Variants in CASP1 observed in about 807,000 individuals in gnomAD.
CASP1 encodes the protein caspase 1.
A neutral mutation model predicts 41.2 loss-of-function variants in CASP1; 31 were observed. That is an observed-to-expected ratio of 0.75 (90% CI 0.57 to 1.02). The LOEUF is 1.02. Among genes scored for constraint, CASP1 ranks in the 50% least tolerant of loss-of-function variants. CASP1 has a pLI of 0.00. For synonymous variants in CASP1, 163 were observed against 166.5 expected, an observed-to-expected ratio of 0.98 and a Z score of 0.16; for missense variants, 490 against 495.7, an observed-to-expected ratio of 0.99 and a Z score of 0.11.
chr11:105,034,078 CTACAGAA>C (rs1362381139), intron 2 of CASP1, 123 bp downstream of exon 2: 5 of 1,474,874 alleles, frequency 3.4e-6, no homozygotes, highest in Non-Finnish European at 4.7e-6. Context: ...AGGGACCCTG[CTACAGAA>C]ATATGGCCCT....
chr11:105,031,110 A>G (rs1045029850), intron 4 of CASP1, 55 bp downstream of exon 4: 1 of 993,720 alleles, frequency 1.0e-6, no homozygotes, highest in Admixed American at 1.7e-5. Context: ...GCATTTCAGA[A>G]CTGCCTGAAG....
At chr11:105,035,872 T>A (rs1863997635), upstream of CASP1, among the ~76,000 whole-genome samples, 1 of 152,080 alleles carries the variant, frequency 6.6e-6, no homozygotes, top group Non-Finnish European at 1.5e-5. Context: ...CACCTTGGTC[T>A]CCCAAATTGC....
At chr11:105,030,009 C>T (rs1005858506) in intron 5 of CASP1, 110 bp from the exon 6 acceptor site, 1 of 877,690 alleles carries the variant, frequency 1.1e-6, no homozygotes, top group Admixed American at 2.5e-5. Context: ...CCGTGACAAA[C>T]AACAGGGTGC....
At chr11:105,030,691 T>C (rs1328058764) in intron 4 of CASP1, 188 bp from the exon 5 acceptor site, 2 of 510,882 alleles carry the variant, frequency 3.9e-6, no homozygotes, top group East Asian at 3.2e-5. Context: ...AATGCCCAGA[T>C]GGCAGCTGAG....
rs143095678 is a variant in CASP1 at position 105,031,247 on chromosome 11, G to C, written c.371C>G (p.Pro124Arg). The C allele has an allele frequency of 1.2e-5, 20 of 1,612,148 alleles. No homozygotes were observed. In the African/African-American group the frequency reaches 2.7e-4, roughly 22 times the overall value. Residue 124 changes from proline (P) to arginine (R), a missense_variant, in exon 4 of 9, where the codon CCC (proline) becomes CGC (arginine). By Grantham distance (103) the Pro-to-Arg change is moderately radical. Transcript: ENST00000533400. Reference sequence around the variant, plus strand: ...ATTCCCTTCTGAGCCTGAGGATGTGGGCATAGCTGGGTTGTCCTGCACTGC... The same window carrying C: ...ATTCCCTTCTGAGCCTGAGGATGTGCGCATAGCTGGGTTGTCCTGCACTGC... The part of the protein sequence containing the change: ...PQAVQDNPAM[P>R]TSSGSEGNVK...
Position 105,030,449 on chromosome 11 carries a change from T to C in CASP1, c.508A>G (p.Asn170Asp). 1 of 1,613,628 alleles carries C rather than the reference T, an allele frequency of 6.2e-7. No homozygotes were observed. The highest frequency in any genetic ancestry group is 8.5e-7 in the Non-Finnish European group (1 of 1,179,628). Residue 170 changes from asparagine to aspartate, a missense_variant, in exon 5 of 9, where the codon AAT (asparagine) becomes GAT (aspartate). Physicochemically the swap from Asn to Asp is conservative, Grantham distance 23. Coordinates refer to ENST00000533400, the MANE Select transcript of CASP1 (RefSeq NM_001257118.3). ...CTAGGAATACTGTCAAATTCTTCAT[T>C]GCAGATAATGAGAGCAAGACGTGTG... ...SRTRLALIIC[N>D]EEFDSIPRRT...
chr11:105,026,189 C>G lies in CASP1; in HGVS notation c.*69G>C. 1 of 997,662 alleles carries G rather than the reference C, an allele frequency of 1.0e-6. No individual in the cohort carries two copies. Among genetic ancestry groups the G allele is most frequent in the Non-Finnish European group, 1.6e-6 (1 of 632,208 alleles). 61.8% of individuals were successfully genotyped at this position (997,662 alleles called of 1,614,324 possible). On this transcript the variant is annotated 3_prime_UTR_variant, in exon 9 of 9. Coordinates refer to ENST00000533400, the MANE Select transcript of CASP1 (RefSeq NM_001257118.3). ...CTCAAATGGACTTTCAGTACCCTTTCCTCAACCTTCCCACACTCCCGACCA... is the reference window on the plus strand; with the variant it reads ...CTCAAATGGACTTTCAGTACCCTTTGCTCAACCTTCCCACACTCCCGACCA...
In CASP1 at chr11:105,034,280, C is replaced by G. The variant is rs753192611; in HGVS notation, c.202G>C (p.Ala68Pro). 3.1e-6 allele frequency: 5 copies of G among 1,614,136 alleles called. No homozygotes were observed. The African/African-American group carries it at 4.0e-5, about 13-fold the overall frequency. The change falls in exon 2 of 9, where the codon GCA becomes CCA. Residue 68 changes from alanine to proline, a missense_variant. Physicochemically the swap from Ala to Pro is conservative, Grantham distance 27. Transcript: ENST00000533400. ...IDSVIPKGAQ[A>P]CQICITYICE... ...ATGTATGTGATGCAAATTTGGCATG[C>G]CTGTGCCCCTTTCGGAATAACGGAG...
chr11:105,034,827 C>G, intron 1 of CASP1: 1 of 601,574 alleles, frequency 1.7e-6, no homozygotes, highest in African/African-American at 1.9e-5. Context: ...TGTGCCAATT[C>G]TGTACCCTCT....
rs1250411380 is a variant in CASP1 at position 105,034,479 on chromosome 11, T to A, written c.8-5A>T. 1 of 1,613,880 alleles carries A rather than the reference T, an allele frequency of 6.2e-7. No homozygotes were observed. The highest frequency in any genetic ancestry group is 8.5e-7 in the Non-Finnish European group (1 of 1,179,800). ...TCTTCTCCTTCAGGACCTTGTCTGT[T>A]TAGAGCACAAGGATTTCTCACATCA... On this transcript the variant is annotated splice_polypyrimidine_tract_variant and splice_region_variant and intron_variant, in intron 1 of 8. Transcript: ENST00000533400.
In CASP1 at chr11:105,030,320, T is replaced by G; in HGVS notation, c.627+10A>C. 6.2e-7 allele frequency: 1 copy of G among 1,607,234 alleles called. No individual in the cohort carries two copies. The highest frequency in any genetic ancestry group is 8.5e-7 in the Non-Finnish European group (1 of 1,175,534). On this transcript the variant is annotated intron_variant, in intron 5 of 8. Transcript: ENST00000533400. ...CATAACCATTGTTTCTGTTGTATAA[T>G]AGAACTTACCGAAGCAGTGAGATTT...
chr11:105,029,315 A>G, intron 6 of CASP1, 48 bp from the exon 7 acceptor site: 1 of 1,548,098 alleles, frequency 6.5e-7, no homozygotes, highest in Non-Finnish European at 8.8e-7. Context: ...GGCTGAGAAG[A>G]TGTTTTCCTC....
At chr11:105,025,507 G>A (rs1463393049), downstream of CASP1, 2 of 414,432 alleles carry the variant, frequency 4.8e-6, no homozygotes, top group African/African-American at 2.1e-5. Context: ...ATGAGGACAA[G>A]TTTTCATTTT....
intron 6 of CASP1, 63 bp downstream of exon 6, chr11:105,029,602 T>A: frequency 8.1e-7 from 1 of 1,227,140 alleles, no homozygotes; most frequent in East Asian, 2.3e-5. Flanking sequence ...CAAAAATTCT[T>A]GGATGCATAC....
chr11:105,026,989 C>G (rs1172973421), intron 7 of CASP1, 38 bp from the exon 8 acceptor site: 1 of 1,159,698 alleles, frequency 8.6e-7, no homozygotes, highest in Admixed American at 1.7e-5. Context: ...AAGACTGGCT[C>G]TTGCCTGAAG....
upstream of CASP1, chr11:105,035,313 G>C: frequency 1.5e-6 from 1 of 670,908 alleles, no homozygotes; most frequent in Non-Finnish European, 2.6e-6. Context: ...CCAGCCCTTG[G>C]ATAGATCAGG....
chr11:105,035,378 A>T (rs575102051), upstream of CASP1: 3 of 484,158 alleles, frequency 6.2e-6, no homozygotes, highest in African/African-American at 3.8e-5. Context: ...GTATGTGTAC[A>T]ATTAAATTCA....
At chr11:105,031,696 AT>A (rs1249278083) in intron 3 of CASP1, among the ~76,000 whole-genome samples, 3 of 152,260 alleles carry the variant, frequency 2.0e-5, no homozygotes, top group African/African-American at 4.8e-5. Flanking sequence ...CTACTAAAAT[AT>A]TTTTTAAAAT....
At chr11:105,029,080 T>C in intron 7 of CASP1, 44 bp downstream of exon 7, 2 of 1,580,214 alleles carry the variant, frequency 1.3e-6, no homozygotes, top group South Asian at 1.2e-5. Context: ...TCACTTTTTC[T>C]ATTGATAGCC....
Sources: allele counts gnomAD v4.1 joint callset (sites outside exome capture counted in the v4.1 genomes callset), GRCh38; gene constraint gnomAD v4.1.1; transcripts MANE v1.5; gene names NCBI Gene and HGNC (gene_info 2026-07-23, HGNC 2026-07-21).